SGCZ: variants seen among roughly 807,000 people sequenced by gnomAD.
SGCZ encodes sarcoglycan zeta.
Under a neutral mutation model 41.3 loss-of-function variants are expected in SGCZ, and 40 were observed. The observed-to-expected ratio is 0.97, with a 90% CI of 0.75 to 1.26. The LOEUF is 1.26. SGCZ is among the 50% of genes most tolerant of loss of function. The probability of loss-of-function intolerance (pLI) is 0.00; values close to 1 mark genes in which losing one functional copy is unlikely to be tolerated. For missense variants in SGCZ, 552 were observed against 369.8 expected (o/e 1.49, Z -4.04); for synonymous variants, 206 against 137.5 (o/e 1.50, Z -3.49).
At chr8:14,488,452 C>A (rs879782646) in intron 2 of SGCZ, among the ~76,000 whole-genome samples, 1 of 151,928 alleles carries the variant, frequency 6.6e-6, no homozygotes, top group South Asian at 2.1e-4. Context: ...AGGCCCTTCG[C>A]TTGTGCTTCC....
chr8:14,530,324 T>G (rs10113046), intron 2 of SGCZ, among the ~76,000 whole-genome samples: 111,176 of 151,892 alleles, frequency 0.73, 40,952 homozygotes, highest in South Asian at 0.82. Context: ...CTTATGACTT[T>G]CTCACAGATC....
chr8:14,346,759 GT>G (rs1482075772), intron 2 of SGCZ, among the ~76,000 whole-genome samples: 1 of 151,916 alleles, frequency 6.6e-6, no homozygotes, highest in East Asian at 1.9e-4. Flanking sequence ...AATAATTTTT[GT>G]AGTTAATGTT....
At chr8:15,004,996 C>A (rs929131528) in intron 1 of SGCZ, among the ~76,000 whole-genome samples, 6 of 152,132 alleles carry the variant, frequency 3.9e-5, no homozygotes, top group African/African-American at 1.2e-4. Flanking sequence ...CAAATTGATA[C>A]TGATGTATGC....
At chr8:15,150,481 G>A (rs1471955007) in intron 1 of SGCZ, among the ~76,000 whole-genome samples, 3 of 152,124 alleles carry the variant, frequency 2.0e-5, no homozygotes, top group Non-Finnish European at 2.9e-5. Context: ...CCCATCCTCT[G>A]GAACCCTCCC....
chr8:14,511,981 G>A (rs911426238), intron 2 of SGCZ, among the ~76,000 whole-genome samples: 1 of 151,966 alleles, frequency 6.6e-6, no homozygotes, highest in Admixed American at 6.6e-5. Flanking sequence ...AACTCTGGAG[G>A]ATAAACAAAG....
intron 2 of SGCZ, among the ~76,000 whole-genome samples, chr8:14,528,827 C>CAAAAAAAAA (rs760788606): frequency 4.6e-4 from 24 of 52,652 alleles, no homozygotes; most frequent in African/African-American, 2.5e-3. Context: ...ACGGACCAGC[C>CAAAAAAAAA]AAAAAAAAAA....
At chr8:14,435,188 G>A (rs532075075) in intron 2 of SGCZ, among the ~76,000 whole-genome samples, 1 of 152,168 alleles carries the variant, frequency 6.6e-6, no homozygotes, top group South Asian at 2.1e-4. Context: ...GGATTCTCAG[G>A]CAAACTGTAA....
At chr8:14,526,025 T>C (rs1262590658) in intron 2 of SGCZ, among the ~76,000 whole-genome samples, 1 of 152,178 alleles carries the variant, frequency 6.6e-6, no homozygotes, top group Non-Finnish European at 1.5e-5. Context: ...AATAATTGTT[T>C]TCTGTAAGAT....
chr8:14,215,462 G>C (rs1207195438), intron 4 of SGCZ, among the ~76,000 whole-genome samples: 1 of 151,248 alleles, frequency 6.6e-6, no homozygotes, highest in Non-Finnish European at 1.5e-5. Context: ...CTAGGAAGTA[G>C]GAAAGAAGGT....
chr8:14,314,275 A>C (rs1054309812), intron 3 of SGCZ, among the ~76,000 whole-genome samples: 1 of 142,686 alleles, frequency 7.0e-6, no homozygotes, highest in African/African-American at 2.5e-5. Context: ...AGGGTCTTCT[A>C]TCATAGTATT....
At chr8:14,527,760 C>A (rs1033357823) in intron 2 of SGCZ, among the ~76,000 whole-genome samples, 1 of 151,960 alleles carries the variant, frequency 6.6e-6, no homozygotes, top group Non-Finnish European at 1.5e-5. Flanking sequence ...TCTAACAGCC[C>A]CAGATTAGAG....
At chr8:15,167,092 G>A (rs866237840) in intron 1 of SGCZ, among the ~76,000 whole-genome samples, 5 of 151,948 alleles carry the variant, frequency 3.3e-5, no homozygotes, top group African/African-American at 7.2e-5. Flanking sequence ...GTATACCCCC[G>A]TGATCAAAAT....
chr8:14,223,679 C>T (rs1025730057), intron 4 of SGCZ, among the ~76,000 whole-genome samples: 1 of 152,086 alleles, frequency 6.6e-6, no homozygotes, highest in Non-Finnish European at 1.5e-5. Flanking sequence ...GCAGCATTCT[C>T]ATGAATGCCA....
intron 1 of SGCZ, among the ~76,000 whole-genome samples, chr8:14,726,536 G>C (rs1181773015): frequency 6.6e-6 from 1 of 151,460 alleles, no homozygotes; most frequent in Non-Finnish European, 1.5e-5. Context: ...CACAGTATTG[G>C]TTGACCAGGA....
intron 7 of SGCZ, among the ~76,000 whole-genome samples, chr8:14,091,790 T>C (rs1801696255): frequency 6.6e-6 from 1 of 152,188 alleles, no homozygotes; most frequent in African/African-American, 2.4e-5. Flanking sequence ...GCCTGTTCAC[T>C]CTGATGATAG....
At chr8:14,669,087 C>A (rs1225602693) in intron 1 of SGCZ, among the ~76,000 whole-genome samples, 6 of 151,930 alleles carry the variant, frequency 3.9e-5, no homozygotes, top group African/African-American at 1.2e-4. Flanking sequence ...GTAATCCCAG[C>A]ATTTTGGGAG....
chr8:14,971,743 G>C (rs562752858), intron 1 of SGCZ, among the ~76,000 whole-genome samples: 1 of 148,486 alleles, frequency 6.7e-6, no homozygotes, highest in Non-Finnish European at 1.5e-5. Context: ...TCCACCTCCC[G>C]GGTTCAAGTG....
chr8:14,663,758 C>T lies in SGCZ; in HGVS notation c.40-108832G>A, dbSNP rs149562308. On this transcript the variant is annotated intron_variant, in intron 1 of 7. Transcript: ENST00000382080. ...GGAGTAATTCTTATCCCACTTAGAA[C>T]CTGGAAAAATGTCTAAATGAAAGTA... Among the ~76,000 whole-genome samples the T allele has an allele frequency of 1.6e-3, 244 of 151,910 alleles. 1 individual carries two copies. The South Asian group carries it at 0.017, about 11-fold the overall frequency.
Position 14,974,810 on chromosome 8 carries a change from G to A in SGCZ, c.39+262775C>T, listed in dbSNP as rs181626505. 2.1e-3 allele frequency among the ~76,000 whole-genome samples: 316 copies of A among 150,648 alleles called. 1 individual carries two copies. Among genetic ancestry groups the A allele is most frequent in the African/African-American group, 7.2e-3 (295 of 40,940 alleles). ...AGTACTTGGAAACAAAATTACTTTTGGCAAATTCAACTGGGTGAAAACATA... is the reference window on the plus strand; with the variant it reads ...AGTACTTGGAAACAAAATTACTTTTAGCAAATTCAACTGGGTGAAAACATA... On this transcript the variant is annotated intron_variant, in intron 1 of 7. Coordinates refer to ENST00000382080, the MANE Select transcript of SGCZ (RefSeq NM_139167.4).
Sources: allele counts gnomAD v4.1 joint callset (sites outside exome capture counted in the v4.1 genomes callset), GRCh38; gene constraint gnomAD v4.1.1; transcripts MANE v1.5; gene names NCBI Gene and HGNC (gene_info 2026-07-23, HGNC 2026-07-21).